Variants in TMEM204 observed in about 807,000 individuals in gnomAD.
TMEM204 encodes claudin-like protein 24.
Under a neutral mutation model 19.4 loss-of-function variants are expected in TMEM204, and 15 were observed. The observed-to-expected ratio is 0.77, with a 90% confidence interval of 0.52 to 1.19. TMEM204 has a LOEUF of 1.19. Ranked by LOEUF, TMEM204 falls within the 50% of genes most tolerant of loss-of-function variation. The pLI is 0.00. For synonymous variants in TMEM204, 161 were observed against 146.0 expected, an observed-to-expected ratio of 1.10 and a Z score of -0.74; for missense variants, 287 against 321.2, an observed-to-expected ratio of 0.89 and a Z score of 0.81.
chr16:1,531,149 G>A (rs2030446476), upstream of TMEM204: 1 of 152,258 alleles, frequency 6.6e-6, no homozygotes, highest in Admixed American at 6.5e-5. This position sits in a 1 kb window ranked among gnomAD's most constrained non-coding sequence, Gnocchi z 4.7. Context: ...TCTGGGGTTT[G>A]TGCATCTGAC....
At chr16:1,541,570 C>T (rs1383565544) in intron 1 of TMEM204, 1 of 898,192 alleles carries the variant, frequency 1.1e-6, no homozygotes, top group Non-Finnish European at 1.3e-6. Flanking sequence ...TTCCCCTTCC[C>T]ACCTCCACCC....
At chr16:1,535,580 A>G (rs1313059918) in intron 1 of TMEM204, among the ~76,000 whole-genome samples, 2 of 152,156 alleles carry the variant, frequency 1.3e-5, no homozygotes, top group African/African-American at 4.8e-5. Flanking sequence ...CTGGGGTAAC[A>G]CACATCACGT....
At chr16:1,534,605 G>T in intron 1 of TMEM204, 50 bp downstream of exon 1, 1 of 1,594,274 alleles carries the variant, frequency 6.3e-7, no homozygotes, top group Non-Finnish European at 8.5e-7. Context: ...AGGCTCGAGG[G>T]CACATGGGAG....
chr16:1,545,331 C>T (rs916631313), intron 2 of TMEM204, among the ~76,000 whole-genome samples: 1 of 152,144 alleles, frequency 6.6e-6, no homozygotes, highest in African/African-American at 2.4e-5. Context: ...CCTGGTGTCT[C>T]GGTGGCTTTT....
At position 1,554,968 on chromosome 16, in the gene TMEM204, C is replaced by A; in HGVS notation, c.623C>A (p.Ser208Tyr). ...CCCCGGGTGATTGTCATCAGCCGCT[C>A]CCTGACAGCGCGCTTTCGCCGTGGG... Reference protein sequence around the residue: ...MAPRVIVISRSLTARFRRGLD... With the variant: ...MAPRVIVISRYLTARFRRGLD... The change falls in exon 3 of 3, where the codon TCC becomes TAC. Residue 208 changes from serine to tyrosine, a missense_variant. By Grantham distance (144) the Ser-to-Tyr change is moderately radical. Coordinates refer to ENST00000566264, the MANE Select transcript of TMEM204 (RefSeq NM_024600.6). 6.2e-7 allele frequency: 1 copy of A among 1,613,980 alleles called. No homozygotes were observed. The highest frequency in any genetic ancestry group is 1.1e-5 in the South Asian group (1 of 91,082).
chr16:1,530,018 G>A (rs139642064), upstream of TMEM204, among the ~76,000 whole-genome samples: 239 of 152,268 alleles, frequency 1.6e-3, 4 homozygotes, highest in East Asian at 0.033. Flanking sequence ...ACATCTGGGT[G>A]GTGGCAGCAC....
chr16:1,553,909 A>G lies in TMEM204; in HGVS notation c.437-873A>G. The G allele has an allele frequency of 7.8e-7, 1 of 1,278,064 alleles. No individual in the cohort carries two copies. The highest frequency in any genetic ancestry group is 1.2e-5 in the South Asian group (1 of 80,600). 79.2% of individuals were successfully genotyped at this position (1,278,064 alleles called of 1,614,324 possible). On this transcript the variant is annotated intron_variant, in intron 2 of 2. Coordinates refer to ENST00000566264, the MANE Select transcript of TMEM204 (RefSeq NM_024600.6). This position sits in a 1 kb window ranked among gnomAD's most constrained non-coding sequence, Gnocchi z 4.4. ...CCCTGATTTTCCTGTTGTAAGAACT[A>G]AAAAGGTCTTTGGAGCTCCTCAAAG...
At chr16:1,531,444 C>T (rs2030483984), upstream of TMEM204, 1 of 152,250 alleles carries the variant, frequency 6.6e-6, no homozygotes, top group African/African-American at 2.4e-5. The surrounding 1 kb of genome is among the most constrained non-coding windows in gnomAD (Gnocchi z 4.7). Context: ...GCTAGGGCTC[C>T]CGCTCTGCTG....
rs534284692 is a variant in TMEM204 at position 1,541,695 on chromosome 16, C to T, written c.281-226C>T. On this transcript the variant is annotated intron_variant, in intron 1 of 2. Transcript: ENST00000566264. The stretch of plus-strand genomic sequence containing the variant: ...GGGATACGACCACTGCAGCCAGGCC[C>T]GGCGGCTGGGATGAACCCTTCCCAT... Among the ~76,000 whole-genome samples the T allele has an allele frequency of 3.3e-5, 5 of 152,210 alleles. No individual in the cohort carries two copies. The South Asian group carries it at 6.2e-4, about 19-fold the overall frequency.
At position 1,551,902 on chromosome 16, in the gene TMEM204, C is replaced by T. The variant is rs529822007; in HGVS notation, c.437-2880C>T. 6.6e-6 allele frequency among the ~76,000 whole-genome samples: 1 copy of T among 152,156 alleles called. No homozygotes were observed. Among genetic ancestry groups the T allele is most frequent in the Non-Finnish European group, 1.5e-5 (1 of 68,030 alleles). On this transcript the variant is annotated intron_variant, in intron 2 of 2. Coordinates refer to ENST00000566264, the MANE Select transcript of TMEM204 (RefSeq NM_024600.6). The surrounding 1 kb of genome is among the most constrained non-coding windows in gnomAD (Gnocchi z 4.0). ...TAAATCCGAGCTGTGCACTCAGAAG[C>T]CTCCCGGGTGTGTCCCTGGTGATGT...
chr16:1,555,066 C>T lies in TMEM204; in HGVS notation c.*40C>T, dbSNP rs550914444. 1.4e-4 allele frequency: 219 copies of T among 1,573,750 alleles called. 1 individual carries two copies. The South Asian group carries it at 2.2e-3, about 16-fold the overall frequency. On this transcript the variant is annotated 3_prime_UTR_variant, in exon 3 of 3. Transcript: ENST00000566264. ...CGCTCCATCAACGCACACCTGCTAT[C>T]GTGGAACAGCCTAGAAACCAAGGGA...
chr16:1,554,913 A>G lies in TMEM204; in HGVS notation c.568A>G (p.Ile190Val). 5 of 1,614,220 alleles carry G rather than the reference A, an allele frequency of 3.1e-6. No individual in the cohort carries two copies. The highest frequency in any genetic ancestry group is 3.3e-4 in the Middle Eastern group (2 of 6,062). Residue 190 changes from isoleucine to valine, a missense_variant, in exon 3 of 3, where the codon ATT becomes GTT. Transcript: ENST00000566264. The stretch of plus-strand genomic sequence containing the variant: ...GGCGGCAGCCATGCTCATCTGGAAC[A>G]TTCTCCACAAGAGGGAGGACTGCAT... ...TLAAAMLIWN[I>V]LHKREDCMAP...
chr16:1,534,297 G>T lies in TMEM204; in HGVS notation c.22G>T (p.Ala8Ser). The change falls in exon 1 of 3, where the codon GCC becomes TCC. Residue 8 changes from alanine (A) to serine (S), a missense_variant. Ala to Ser is a moderately conservative substitution (Grantham distance 99, BLOSUM62 1). Transcript: ENST00000566264. ...AGCGATGACCGTGCAGAGACTCGTG[G>T]CCGCGGCCGTGCTGGTGGCCCTGGT... MTVQRLVAAAVLVALVSL... is the reference protein window; with the variant it reads MTVQRLVSAAVLVALVSL... 6.2e-7 allele frequency: 1 copy of T among 1,612,404 alleles called. No homozygotes were observed. Among genetic ancestry groups the T allele is most frequent in the Middle Eastern group, 1.7e-4 (1 of 6,060 alleles).
chr16:1,547,247 A>G (rs1260116557), intron 2 of TMEM204, among the ~76,000 whole-genome samples: 1 of 152,220 alleles, frequency 6.6e-6, no homozygotes, highest in Non-Finnish European at 1.5e-5. Context: ...GACACTAGAA[A>G]GGGCACCATG....
At chr16:1,554,540 C>G (rs987475438) in intron 2 of TMEM204, among the ~76,000 whole-genome samples, 7 of 152,176 alleles carry the variant, frequency 4.6e-5, no homozygotes, top group Admixed American at 1.3e-4. Context: ...AGCCTGAAGT[C>G]CTAAGAGCCA....
chr16:1,552,202 T>C (rs2032704380), intron 2 of TMEM204, among the ~76,000 whole-genome samples: 1 of 151,620 alleles, frequency 6.6e-6, no homozygotes, highest in Non-Finnish European at 1.5e-5. Context: ...GCTGTGGCCA[T>C]GGCGGGCTGG....
In TMEM204 at chr16:1,553,187, T is replaced by C. The variant is rs2032812869; in HGVS notation, c.437-1595T>C. ...TTACCCATCTCTTGCTCTCTGTCTC[T>C]CCTTCCCTGTGTCTCTGTCTCTGTC... On this transcript the variant is annotated intron_variant, in intron 2 of 2. Transcript: ENST00000566264. This position sits in a 1 kb window ranked among gnomAD's most constrained non-coding sequence, Gnocchi z 4.4. 1 of 984,842 alleles carries C rather than the reference T, an allele frequency of 1.0e-6. No homozygotes were observed. Among genetic ancestry groups the C allele is most frequent in the Non-Finnish European group, 1.2e-6 (1 of 829,424 alleles). The allele number at this position is 984,842 out of a possible 1,614,324, so 61.0% of individuals were successfully genotyped here.
intron 2 of TMEM204, among the ~76,000 whole-genome samples, chr16:1,546,569 G>C (rs1332896411): frequency 6.6e-6 from 1 of 152,234 alleles, no homozygotes; most frequent in East Asian, 1.9e-4. Context: ...TGCATGCTGA[G>C]AAGCTTCAGG....
intron 1 of TMEM204, chr16:1,540,900 C>T: frequency 1.0e-6 from 1 of 985,426 alleles, no homozygotes; most frequent in South Asian, 4.7e-5. Context: ...GTCCCTGACT[C>T]CAGGCTGAGT....
Sources: allele counts gnomAD v4.1 joint callset (sites outside exome capture counted in the v4.1 genomes callset), GRCh38; gene constraint gnomAD v4.1.1; non-coding constraint Gnocchi (gnomAD v3.1); transcripts MANE v1.5; gene names NCBI Gene and HGNC (gene_info 2026-07-23, HGNC 2026-07-21).